The following STK17A variants were observed in gnomAD, a reference collection of about 807,000 sequenced individuals.
STK17A encodes the protein serine/threonine kinase 17a.
In STK17A, 26 loss-of-function variants were observed where a neutral mutation model predicts 43.7. The ratio of observed to expected loss-of-function variants is 0.60; its 90% CI spans 0.44 to 0.83. The LOEUF is 0.83. Among genes scored for constraint, STK17A ranks in the 40% least tolerant of loss-of-function variants. The pLI, the probability that STK17A is intolerant of heterozygous loss-of-function variation, is 0.00. For missense variants in STK17A, 476 were observed against 511.6 expected (o/e 0.93, Z 0.67); for synonymous variants, 191 against 182.5 (o/e 1.05, Z -0.38).
rs76893039 is a variant in STK17A, at chr7:43,587,256, G to A, written c.206+3807G>A. ...CGCAAGACCCGCCTCCTGGGTTCAC[G>A]CCATTCTCCTGCCTCAGCCTCCCGA... On this transcript the variant is annotated intron_variant, in intron 1 of 6. Coordinates refer to ENST00000319357, the MANE Select transcript of STK17A (RefSeq NM_004760.3). Among the ~76,000 whole-genome samples the A allele has an allele frequency of 7.6e-4, 110 of 143,926 alleles. 1 individual carries two copies. The East Asian group carries it at 0.022, about 28-fold the overall frequency. The allele number at this position is 143,926 out of a possible 152,430, so 94.4% of individuals were successfully genotyped here. A position where few individuals can be genotyped will look rare whatever the true frequency, so the allele number is the denominator to read the frequency against.
In STK17A at chr7:43,606,802, C is replaced by G. The variant is rs577687829; in HGVS notation, c.420-1454C>G. On this transcript the variant is annotated intron_variant, in intron 2 of 6. Coordinates refer to ENST00000319357, the MANE Select transcript of STK17A (RefSeq NM_004760.3). ...TTTAGTTTAGTTAATGAGTAAAATC[C>G]ACAGTTAAACAGGGTTATATGATTA... Among the ~76,000 whole-genome samples, 10 of 151,356 alleles carry G rather than the reference C, an allele frequency of 6.6e-5. No homozygotes were observed. The South Asian group carries it at 2.1e-3, about 32-fold the overall frequency.
intron 3 of STK17A, among the ~76,000 whole-genome samples, chr7:43,610,946 A>G (rs891584700): frequency 3.9e-5 from 6 of 152,046 alleles, no homozygotes; most frequent in African/African-American, 1.2e-4. Flanking sequence ...GTGAAACCCT[A>G]TCTCTACGAA....
intron 1 of STK17A, among the ~76,000 whole-genome samples, chr7:43,588,045 T>C (rs2082455088): frequency 6.6e-6 from 1 of 151,628 alleles, no homozygotes; most frequent in Admixed American, 6.6e-5. Flanking sequence ...ATTAGAAAGC[T>C]AAGTAGCTAT....
At chr7:43,587,621 CAAG>C (rs1583545479) in intron 1 of STK17A, among the ~76,000 whole-genome samples, 1 of 151,432 alleles carries the variant, frequency 6.6e-6, no homozygotes, top group African/African-American at 2.4e-5. Context: ...TTGTATCTGA[CAAG>C]AACTTAAGCG....
intron 4 of STK17A, chr7:43,622,504 T>C (rs903426408): frequency 6.6e-6 from 1 of 152,170 alleles, no homozygotes; most frequent in Non-Finnish European, 1.5e-5. Context: ...GATTCAGTAC[T>C]TATTGACTGC....
intron 3 of STK17A, among the ~76,000 whole-genome samples, chr7:43,619,015 TAGA>T (rs1361973596): frequency 1.5e-4 from 23 of 152,284 alleles, no homozygotes; most frequent in East Asian, 7.7e-4. Flanking sequence ...GAGGGATCTG[TAGA>T]AGAAGGAAGA....
In STK17A at chr7:43,624,845, A is replaced by G. The variant is rs1159292980; in HGVS notation, c.*3A>G. ...TTCCAGGAGAATTTATCTACTGAGC[A>G]ATATTTCCCTTTAGAACTTCAAGAT... On this transcript the variant is annotated 3_prime_UTR_variant, in exon 7 of 7. Transcript: ENST00000319357. 3 of 1,581,766 alleles carry G rather than the reference A, an allele frequency of 1.9e-6. No homozygotes were observed. In the South Asian group the frequency reaches 3.5e-5, roughly 18 times the overall value.
intron 1 of STK17A, among the ~76,000 whole-genome samples, chr7:43,587,201 C>G (rs1375949380): frequency 7.7e-6 from 1 of 130,172 alleles, no homozygotes; most frequent in African/African-American, 2.8e-5. Flanking sequence ...GTCGCCCAGG[C>G]TAGAGTGCAG....
intron 1 of STK17A, among the ~76,000 whole-genome samples, chr7:43,583,835 T>A (rs2082420476): frequency 6.6e-6 from 1 of 152,232 alleles, no homozygotes; most frequent in African/African-American, 2.4e-5. Context: ...TTTGCATTTT[T>A]CCTTCAACTC....
At chr7:43,607,449 A>C (rs1309491786) in intron 2 of STK17A, among the ~76,000 whole-genome samples, 1 of 151,812 alleles carries the variant, frequency 6.6e-6, no homozygotes, top group Non-Finnish European at 1.5e-5. Context: ...GGAGATCGAG[A>C]TCATCCTGGC....
Position 43,626,051 on chromosome 7 carries a change from G to A in STK17A, c.*1209G>A, listed in dbSNP as rs2084498094. On this transcript the variant is annotated 3_prime_UTR_variant, in exon 7 of 7. Transcript: ENST00000319357. ...AATTAAAATATGGAAATGTAAAAGTGTATGCCGAATACCTTAAAGTAACTA... is the reference window on the plus strand; with the variant it reads ...AATTAAAATATGGAAATGTAAAAGTATATGCCGAATACCTTAAAGTAACTA... 6.6e-6 allele frequency: 1 copy of A among 152,150 alleles called. No homozygotes were observed. Among genetic ancestry groups the A allele is most frequent in the Non-Finnish European group, 1.5e-5 (1 of 68,028 alleles). 9.4% of individuals were successfully genotyped at this position (152,150 alleles called of 1,614,324 possible).
At position 43,624,634 on chromosome 7, in the gene STK17A, G is replaced by T; in HGVS notation, c.1037G>T (p.Gly346Val). 1 of 1,614,030 alleles carries T rather than the reference G, an allele frequency of 6.2e-7. No homozygotes were observed. The highest frequency in any genetic ancestry group is 8.5e-7 in the Non-Finnish European group (1 of 1,180,002). ...GAAGAAGCAAATGCCCTCCAAGAAG[G>T]TCATTCTGTGCCTGAAATTAATTCG... ...ALEEANALQE[G>V]HSVPEINSDT... Residue 346 changes from glycine to valine, a missense_variant, in exon 7 of 7, where the codon GGT becomes GTT. Transcript: ENST00000319357.
Position 43,625,012 on chromosome 7 carries a change from G to T in STK17A, c.*170G>T. 1.7e-6 allele frequency: 1 copy of T among 571,948 alleles called. No individual in the cohort carries two copies. The highest frequency in any genetic ancestry group is 1.9e-5 in the African/African-American group (1 of 52,190). The allele number at this position is 571,948 out of a possible 1,614,324, so 35.4% of individuals were successfully genotyped here. On this transcript the variant is annotated 3_prime_UTR_variant, in exon 7 of 7. Transcript: ENST00000319357. ...GTTAGGTGGAAGCCAGATTTTAAAAGTTGCCAACCAGGAGATTTAACAGGT... is the reference window on the plus strand; with the variant it reads ...GTTAGGTGGAAGCCAGATTTTAAAATTTGCCAACCAGGAGATTTAACAGGT...
Position 43,624,990 on chromosome 7 carries a change from A to T in STK17A, c.*148A>T. On this transcript the variant is annotated 3_prime_UTR_variant, in exon 7 of 7. Transcript: ENST00000319357. ...ATAACTTTGTCAAATTTGTGGAGTTAGGTGGAAGCCAGATTTTAAAAGTTG... is the reference window on the plus strand; with the variant it reads ...ATAACTTTGTCAAATTTGTGGAGTTTGGTGGAAGCCAGATTTTAAAAGTTG... 1 of 707,460 alleles carries T rather than the reference A, an allele frequency of 1.4e-6. No homozygotes were observed. The highest frequency in any genetic ancestry group is 1.8e-5 in the African/African-American group (1 of 54,762). The allele number at this position is 707,460 out of a possible 1,614,324, so 43.8% of individuals were successfully genotyped here.
At chr7:43,598,966 T>C (rs529132807) in intron 2 of STK17A, among the ~76,000 whole-genome samples, 7 of 152,242 alleles carry the variant, frequency 4.6e-5, no homozygotes. Context: ...GGTGTCACCA[T>C]GTTGGCCAGG....
Position 43,588,560 on chromosome 7 carries a change from C to T in STK17A, c.206+5111C>T, listed in dbSNP as rs941425984. The stretch of plus-strand genomic sequence containing the variant: ...GTTTTTCCTGAATGGAACTTCTTTA[C>T]GTTTAAGACATGGCTCACACCTGTA... On this transcript the variant is annotated intron_variant, in intron 1 of 6. Transcript: ENST00000319357. Among the ~76,000 whole-genome samples, 6 of 151,396 alleles carry T rather than the reference C, an allele frequency of 4.0e-5. No individual in the cohort carries two copies. In the South Asian group the frequency reaches 6.2e-4, roughly 16 times the overall value.
chr7:43,603,402 C>G (rs1438448603), intron 2 of STK17A, among the ~76,000 whole-genome samples: 1 of 152,106 alleles, frequency 6.6e-6, no homozygotes, highest in Non-Finnish European at 1.5e-5. Flanking sequence ...TTAATCATTC[C>G]TGAAGCACCT....
At chr7:43,618,590 AC>A (rs1348094624) in intron 3 of STK17A, among the ~76,000 whole-genome samples, 18 of 152,278 alleles carry the variant, frequency 1.2e-4, no homozygotes, top group African/African-American at 3.4e-4. Flanking sequence ...TTAAGTGAGG[AC>A]CCTTTATAAT....
At chr7:43,600,127 C>T (rs1412417046) in intron 2 of STK17A, among the ~76,000 whole-genome samples, 2 of 152,164 alleles carry the variant, frequency 1.3e-5, no homozygotes, top group African/African-American at 2.4e-5. Context: ...TTCTTTAATC[C>T]AGTCAAGCCA....
Sources: gnomAD v4.1 joint callset for allele counts (sites outside exome capture counted in the v4.1 genomes callset) on GRCh38, gnomAD v4.1.1 for gene constraint, MANE v1.5 for transcripts, NCBI Gene and HGNC (gene_info 2026-07-23, HGNC 2026-07-21) for gene names.